The following SH3RF3 variants were observed in gnomAD, a reference collection of about 807,000 sequenced individuals.
SH3RF3 encodes the protein E3 ubiquitin-protein ligase SH3RF3.
A neutral mutation model predicts 66.3 loss-of-function variants in SH3RF3; 29 were observed. That is an observed-to-expected ratio of 0.44 (90% CI 0.33 to 0.60). The LOEUF (loss-of-function observed/expected upper bound fraction) is 0.60, where lower values mean the gene tolerates loss of function less well. Ranked by LOEUF, SH3RF3 falls within the 20% of genes least tolerant of loss-of-function variation. The pLI, the probability that SH3RF3 is intolerant of heterozygous loss-of-function variation, is 0.04. For synonymous variants in SH3RF3, 583 were observed against 532.0 expected, an observed-to-expected ratio of 1.10 and a Z score of -1.32; for missense variants, 1,194 against 1,190.9, an observed-to-expected ratio of 1.00 and a Z score of -0.04.
At chr2:109,484,951 G>A (rs1678931568) in intron 8 of SH3RF3, among the ~76,000 whole-genome samples, 1 of 152,226 alleles carries the variant, frequency 6.6e-6, no homozygotes, top group Non-Finnish European at 1.5e-5. Flanking sequence ...GAGTTAAAGT[G>A]TACGATTGTG....
At chr2:109,320,129 G>A (rs1335045445) in intron 1 of SH3RF3, among the ~76,000 whole-genome samples, 1 of 152,182 alleles carries the variant, frequency 6.6e-6, no homozygotes, top group Non-Finnish European at 1.5e-5. Context: ...CTCCTGTAAA[G>A]CCTGTAGAAG....
rs969225404 is a variant in SH3RF3 at position 109,259,901 on chromosome 2, G to A, written c.574-87773G>A. On this transcript the variant is annotated intron_variant, in intron 1 of 9. Transcript: ENST00000309415. ...GATGGCTCTGGAAACTGTCAGTCAT[G>A]TGTGTGCTACACCGTGCACAACAGG... Among the ~76,000 whole-genome samples, 12 of 152,206 alleles carry A rather than the reference G, an allele frequency of 7.9e-5. 1 individual carries two copies. Among genetic ancestry groups the A allele is most frequent in the African/African-American group, 2.7e-4 (11 of 41,454 alleles).
chr2:109,346,343 C>T (rs1381178711), intron 1 of SH3RF3, among the ~76,000 whole-genome samples: 1 of 152,202 alleles, frequency 6.6e-6, no homozygotes, highest in Non-Finnish European at 1.5e-5. Context: ...TGCCAACATG[C>T]TATTAAGTCC....
chr2:109,141,057 A>G (rs985103357), intron 1 of SH3RF3, among the ~76,000 whole-genome samples: 1 of 152,164 alleles, frequency 6.6e-6, no homozygotes, highest in Admixed American at 6.5e-5. Context: ...CATCAGTTGT[A>G]TTGAAGGGAT....
At chr2:109,421,181 A>G (rs755054346) in intron 5 of SH3RF3, among the ~76,000 whole-genome samples, 2 of 152,198 alleles carry the variant, frequency 1.3e-5, no homozygotes, top group Non-Finnish European at 2.9e-5. Context: ...GAGGAAAGAA[A>G]CCTGCACCCA....
At chr2:109,227,237 T>C (rs894883156) in intron 1 of SH3RF3, among the ~76,000 whole-genome samples, 2 of 151,988 alleles carry the variant, frequency 1.3e-5, no homozygotes, top group Non-Finnish European at 2.9e-5. Flanking sequence ...GGGCTGAAAG[T>C]TGGGGGAAGG....
At chr2:109,455,408 G>T (rs535713687) in intron 8 of SH3RF3, among the ~76,000 whole-genome samples, 2 of 152,354 alleles carry the variant, frequency 1.3e-5, no homozygotes, top group East Asian at 3.9e-4. Context: ...GAAAGGAACA[G>T]AGGACCTGAC....
At chr2:109,496,095 C>A (rs1337049134) in intron 9 of SH3RF3, among the ~76,000 whole-genome samples, 1 of 152,142 alleles carries the variant, frequency 6.6e-6, no homozygotes, top group Non-Finnish European at 1.5e-5. Flanking sequence ...CTTATTTGTC[C>A]CCTCCCATGT....
At chr2:109,338,801 A>G (rs1574582416) in intron 1 of SH3RF3, among the ~76,000 whole-genome samples, 1 of 151,930 alleles carries the variant, frequency 6.6e-6, no homozygotes, top group South Asian at 2.1e-4. Flanking sequence ...CAGGTGATCC[A>G]CCCGCCTCGG....
chr2:109,347,963 CG>C lies in SH3RF3; in HGVS notation c.849+18del. On this transcript the variant is annotated intron_variant, in intron 2 of 9. Coordinates refer to ENST00000309415, the MANE Select transcript of SH3RF3 (RefSeq NM_001099289.3). ...ACCTTCACCAAGGTAAGGTGAGCCC[CG>C]GGGTGGGCCCCGCCAGCCCATGCAG... is the stretch of plus-strand genomic sequence containing the variant. 1 of 1,585,404 alleles carries C rather than the reference CG, an allele frequency of 6.3e-7. No individual in the cohort carries two copies. Among genetic ancestry groups the C allele is most frequent in the Middle Eastern group, 1.7e-4 (1 of 5,810 alleles).
At chr2:109,297,079 G>T (rs1193890224) in intron 1 of SH3RF3, among the ~76,000 whole-genome samples, 1 of 152,060 alleles carries the variant, frequency 6.6e-6, no homozygotes, top group Non-Finnish European at 1.5e-5. Flanking sequence ...GTTGGTCCAG[G>T]TGGGGGGTGA....
chr2:109,331,552 A>G (rs570722289), intron 1 of SH3RF3, among the ~76,000 whole-genome samples: 25 of 152,008 alleles, frequency 1.6e-4, no homozygotes, highest in Non-Finnish European at 2.5e-4. Context: ...CCGCCTTCCA[A>G]TCCCCTTCTG....
At chr2:109,448,511 T>C (rs1260427516) in intron 7 of SH3RF3, among the ~76,000 whole-genome samples, 2 of 152,104 alleles carry the variant, frequency 1.3e-5, no homozygotes, top group Non-Finnish European at 2.9e-5. Context: ...GGCATTAGGT[T>C]CTCATAGGAG....
At chr2:109,144,848 G>A (rs1308018681) in intron 1 of SH3RF3, among the ~76,000 whole-genome samples, 1 of 152,238 alleles carries the variant, frequency 6.6e-6, no homozygotes. Flanking sequence ...GGCAGGGGGC[G>A]GAAGGCATGG....
At chr2:109,327,392 TTAAAC>T (rs1301408871) in intron 1 of SH3RF3, among the ~76,000 whole-genome samples, 1 of 152,264 alleles carries the variant, frequency 6.6e-6, no homozygotes, top group African/African-American at 2.4e-5. Flanking sequence ...CTATTGTTGA[TTAAAC>T]TATTCTTTTG....
chr2:109,284,286 A>G (rs1306741628), intron 1 of SH3RF3, among the ~76,000 whole-genome samples: 1 of 152,242 alleles, frequency 6.6e-6, no homozygotes, highest in Admixed American at 6.5e-5. Context: ...TCACTGTATT[A>G]GTAGCCATGA....
chr2:109,137,132 G>A (rs1178800178), intron 1 of SH3RF3, among the ~76,000 whole-genome samples: 1 of 152,194 alleles, frequency 6.6e-6, no homozygotes, highest in Non-Finnish European at 1.5e-5. Context: ...GAAAACATGT[G>A]TCTATATCTT....
intron 2 of SH3RF3, among the ~76,000 whole-genome samples, chr2:109,366,016 C>G (rs1683145499): frequency 6.6e-6 from 1 of 152,098 alleles, no homozygotes; most frequent in Admixed American, 6.5e-5. Context: ...GCATATAAGA[C>G]AATTCTGTTA....
intron 1 of SH3RF3, among the ~76,000 whole-genome samples, chr2:109,183,070 C>G (rs1259188074): frequency 1.3e-5 from 2 of 152,152 alleles, no homozygotes; most frequent in South Asian, 2.1e-4. Flanking sequence ...GCCACAATGA[C>G]TAATTTATTC....
Sources: allele counts gnomAD v4.1 joint callset (sites outside exome capture counted in the v4.1 genomes callset), GRCh38; gene constraint gnomAD v4.1.1; transcripts MANE v1.5; gene names NCBI Gene and HGNC (gene_info 2026-07-23, HGNC 2026-07-21).